The following ULK4 variants were observed in gnomAD, a reference collection of about 807,000 sequenced individuals.
ULK4 encodes the protein unc-51 like kinase 4.
ULK4 carries 133 observed loss-of-function variants against 160.6 expected under a neutral mutation model. The ratio of observed to expected loss-of-function variants is 0.83; its 90% CI spans 0.72 to 0.96. The LOEUF is 0.96. ULK4 is among the 40% of genes least tolerant of loss of function. ULK4 has a pLI of 0.00. For synonymous variants in ULK4, 534 were observed against 539.8 expected (o/e 0.99, Z 0.15); for missense variants, 1,580 against 1,499.5 (o/e 1.05, Z -0.89).
At chr3:41,642,617 C>A (rs552555288) in intron 30 of ULK4, among the ~76,000 whole-genome samples, 70 of 152,314 alleles carry the variant, frequency 4.6e-4, no homozygotes, top group African/African-American at 1.6e-3. Flanking sequence ...AGTTCTAAGT[C>A]TTCGCTATTG....
chr3:41,764,460 G>C (rs1462291391), intron 21 of ULK4, among the ~76,000 whole-genome samples: 1 of 152,144 alleles, frequency 6.6e-6, no homozygotes, highest in African/African-American at 2.4e-5. Context: ...ACAAAAAAAA[G>C]TGGGTCAGGT....
intron 32 of ULK4, among the ~76,000 whole-genome samples, chr3:41,519,572 T>A (rs1372527169): frequency 6.6e-6 from 1 of 152,188 alleles, no homozygotes; most frequent in Non-Finnish European, 1.5e-5. Flanking sequence ...GGTAGGGAAT[T>A]TGAATTTGAA....
At chr3:41,587,563 A>C (rs781334677) in intron 31 of ULK4, among the ~76,000 whole-genome samples, 1 of 152,104 alleles carries the variant, frequency 6.6e-6, no homozygotes, top group Non-Finnish European at 1.5e-5. Flanking sequence ...CTTATAGGTA[A>C]TCAGAAAAAA....
chr3:41,829,594 G>A (rs1475545855), intron 18 of ULK4, among the ~76,000 whole-genome samples: 1 of 152,100 alleles, frequency 6.6e-6, no homozygotes, highest in Non-Finnish European at 1.5e-5. Flanking sequence ...ACCACAATGA[G>A]ATACCATCTC....
At chr3:41,634,211 T>A (rs1426809660) in intron 30 of ULK4, among the ~76,000 whole-genome samples, 10 of 152,196 alleles carry the variant, frequency 6.6e-5, no homozygotes, top group Admixed American at 6.5e-4. Flanking sequence ...GGGAACTTGC[T>A]TATACTGGCA....
intron 22 of ULK4, among the ~76,000 whole-genome samples, chr3:41,752,349 A>G (rs2038658504): frequency 6.6e-6 from 1 of 152,234 alleles, no homozygotes; most frequent in Admixed American, 6.5e-5. Context: ...AAAAATAAAT[A>G]GACACGAGCA....
At chr3:41,546,767 TA>T (rs1158675738) in intron 32 of ULK4, among the ~76,000 whole-genome samples, 547 of 32,544 alleles carry the variant, frequency 0.017, 1 homozygote, top group Middle Eastern at 0.048. Context: ...CCTAGGCCCT[TA>T]AAAAAAAAAA....
In ULK4 at chr3:41,703,834, G is replaced by GCACA. The variant is rs35693704; in HGVS notation, c.2781+1219_2781+1222dup. On this transcript the variant is annotated intron_variant, in intron 27 of 36. Coordinates refer to ENST00000301831, the MANE Select transcript of ULK4 (RefSeq NM_017886.4). ...TTTAAGTGAAGGATTTAATGCGCAT[G>GCACA]CACACACACACACACACACACACAC... is the stretch of plus-strand genomic sequence containing the variant. 4.1e-3 allele frequency among the ~76,000 whole-genome samples: 530 copies of GCACA among 129,282 alleles called. 2 individuals carry two copies. Among genetic ancestry groups the GCACA allele is most frequent in the Middle Eastern group, 7.3e-3 (2 of 274 alleles). The allele number at this position is 129,282 out of a possible 152,430, so 84.8% of individuals were successfully genotyped here. A position where few individuals can be genotyped will look rare whatever the true frequency, so the allele number is the denominator to read the frequency against.
intron 12 of ULK4, among the ~76,000 whole-genome samples, chr3:41,905,908 T>A (rs1258870710): frequency 1.3e-5 from 2 of 151,894 alleles, no homozygotes; most frequent in African/African-American, 4.8e-5. Flanking sequence ...AACCTGTCTC[T>A]ACTAAAAATA....
chr3:41,798,537 CTG>C (rs771596235), intron 20 of ULK4, among the ~76,000 whole-genome samples: 89 of 152,184 alleles, frequency 5.8e-4, no homozygotes, highest in Middle Eastern at 3.4e-3. Context: ...GGTAACATAA[CTG>C]AAAAATTTCC....
Position 41,772,501 on chromosome 3 carries a change from C to T in ULK4, c.2193+17160G>A, listed in dbSNP as rs559646895. On this transcript the variant is annotated intron_variant, in intron 21 of 36. Coordinates refer to ENST00000301831, the MANE Select transcript of ULK4 (RefSeq NM_017886.4). The stretch of plus-strand genomic sequence containing the variant: ...TGGATAAATTCCTCGACACATACAC[C>T]CTCCCAAGACTAAACCAGGAAGAAG... 3.5e-4 allele frequency among the ~76,000 whole-genome samples: 53 copies of T among 151,802 alleles called. No individual in the cohort carries two copies. In the South Asian group the frequency reaches 9.6e-3, roughly 28 times the overall value.
At chr3:41,728,368 G>A (rs1041036637) in intron 22 of ULK4, among the ~76,000 whole-genome samples, 5 of 152,194 alleles carry the variant, frequency 3.3e-5, no homozygotes, top group Non-Finnish European at 7.3e-5. Flanking sequence ...GTGCCAGGGT[G>A]TGCAGAGATC....
chr3:41,375,241 T>C (rs1250169744), intron 35 of ULK4, among the ~76,000 whole-genome samples: 1 of 152,118 alleles, frequency 6.6e-6, no homozygotes, highest in Non-Finnish European at 1.5e-5. Context: ...GCGATTCCCA[T>C]CAAACTACCA....
At chr3:41,646,946 T>C (rs2034523389) in intron 30 of ULK4, among the ~76,000 whole-genome samples, 2 of 152,172 alleles carry the variant, frequency 1.3e-5, no homozygotes, top group Non-Finnish European at 2.9e-5. Flanking sequence ...ATTCATTTCA[T>C]CTTCCATCAC....
At chr3:41,848,363 G>A (rs57244949) in intron 17 of ULK4, among the ~76,000 whole-genome samples, 8,885 of 152,174 alleles carry the variant, frequency 0.058, 816 homozygotes, top group African/African-American at 0.2. Flanking sequence ...GTCAACAAAT[G>A]TCAACTACAA....
chr3:41,691,141 T>C lies in ULK4; in HGVS notation c.2782-9337A>G, dbSNP rs551401178. Among the ~76,000 whole-genome samples the C allele has an allele frequency of 2.4e-3, 372 of 152,026 alleles. 6 individuals carry two copies. Among genetic ancestry groups the C allele is most frequent in the Non-Finnish European group, 4.1e-3 (281 of 67,924 alleles). On this transcript the variant is annotated intron_variant, in intron 27 of 36. Transcript: ENST00000301831. ...AGGCAAAATGGCAGAGTTTGGTATA[T>C]GACCTTCTAGGAACATTCTAGTGGT...
chr3:41,487,541 T>C (rs955039018), intron 32 of ULK4, among the ~76,000 whole-genome samples: 8 of 152,110 alleles, frequency 5.3e-5, no homozygotes, highest in African/African-American at 1.7e-4. Flanking sequence ...ACGTAGATAA[T>C]AGGAATGTGG....
At chr3:41,669,604 T>C in intron 29 of ULK4, among the ~76,000 whole-genome samples, 1 of 152,096 alleles carries the variant, frequency 6.6e-6, no homozygotes, top group East Asian at 1.9e-4. Flanking sequence ...CTAGAGATTC[T>C]ACAAAAGGAA....
At chr3:41,554,296 T>C (rs754847850) in intron 32 of ULK4, among the ~76,000 whole-genome samples, 4 of 152,158 alleles carry the variant, frequency 2.6e-5, no homozygotes, top group Middle Eastern at 3.2e-3. Flanking sequence ...TATCCATGTA[T>C]AGATATCATA....
Sources: allele counts gnomAD v4.1 joint callset (sites outside exome capture counted in the v4.1 genomes callset), GRCh38; gene constraint gnomAD v4.1.1; transcripts MANE v1.5; gene names NCBI Gene and HGNC (gene_info 2026-07-23, HGNC 2026-07-21).